SNX13: variants seen among roughly 807,000 people sequenced by gnomAD.
SNX13 encodes the protein sorting nexin 13, also known as sorting nexin-13.
A neutral mutation model predicts 133.6 loss-of-function variants in SNX13; 45 were observed. That is an observed-to-expected ratio of 0.34 (90% CI 0.27 to 0.43). The LOEUF is 0.43. Among genes scored for constraint, SNX13 ranks in the 20% least tolerant of loss-of-function variants. The pLI is 1.00. For synonymous variants in SNX13, 414 were observed against 373.9 expected (o/e 1.11, Z -1.24); for missense variants, 1,032 against 1,145.1 (o/e 0.90, Z 1.43).
intron 11 of SNX13, among the ~76,000 whole-genome samples, chr7:17,848,937 TCTTTA>T (rs1219381750): frequency 1.3e-5 from 2 of 152,212 alleles, no homozygotes; most frequent in Non-Finnish European, 2.9e-5. Context: ...TTGGCTAGAC[TCTTTA>T]CTTTGTCTTA....
At chr7:17,865,804 G>A (rs1482061853) in intron 9 of SNX13, among the ~76,000 whole-genome samples, 1 of 152,016 alleles carries the variant, frequency 6.6e-6, no homozygotes, top group African/African-American at 2.4e-5. Context: ...TAAACCAATG[G>A]AACAGAATAG....
At chr7:17,846,629 T>C (rs370183013) in intron 11 of SNX13, among the ~76,000 whole-genome samples, 2 of 152,016 alleles carry the variant, frequency 1.3e-5, no homozygotes, top group East Asian at 3.8e-4. Context: ...GATACTAAAT[T>C]AAGCATAGGT....
At chr7:17,831,341 T>C in intron 15 of SNX13, 3 of 879,382 alleles carry the variant, frequency 3.4e-6, no homozygotes, top group Non-Finnish European at 4.1e-6. Context: ...ATAATTCATA[T>C]AGTTTTAAAA....
intron 1 of SNX13, chr7:17,898,900 CACTTTT>C (rs1377281650): frequency 2.0e-5 from 3 of 152,172 alleles, no homozygotes; most frequent in African/African-American, 7.2e-5. Context: ...ACATCTTGGC[CACTTTT>C]ATCTTTTAAC....
intron 20 of SNX13, among the ~76,000 whole-genome samples, chr7:17,808,187 A>G (rs971648667): frequency 5.9e-5 from 9 of 152,190 alleles, no homozygotes; most frequent in African/African-American, 1.7e-4. Flanking sequence ...TTCTAACCCA[A>G]TGCGAGGAAA....
chr7:17,902,351 C>T (rs1223579178), intron 1 of SNX13, among the ~76,000 whole-genome samples: 3 of 148,904 alleles, frequency 2.0e-5, no homozygotes, highest in Admixed American at 6.8e-5. Context: ...TCTAATCAAG[C>T]AAGTGCAGTG....
At chr7:17,838,331 T>C (rs988328484) in intron 13 of SNX13, among the ~76,000 whole-genome samples, 9 of 152,008 alleles carry the variant, frequency 5.9e-5, no homozygotes, top group Admixed American at 1.3e-4. Context: ...TCATGTCTCC[T>C]CTTTCATTTA....
chr7:17,801,958 A>G (rs1784693152), intron 21 of SNX13, among the ~76,000 whole-genome samples: 1 of 152,100 alleles, frequency 6.6e-6, no homozygotes, highest in African/African-American at 2.4e-5. Context: ...CTTGAAAGCC[A>G]AAAAGTCATG....
chr7:17,910,275 G>A (rs923039691), intron 1 of SNX13, among the ~76,000 whole-genome samples: 33 of 152,136 alleles, frequency 2.2e-4, no homozygotes, highest in Admixed American at 2.1e-3. Context: ...CAGTTTGAAT[G>A]AAAGGAATAA....
rs563013873 is a variant in SNX13, at chr7:17,916,525, A to G, written c.13-19079T>C. 1.8e-4 allele frequency among the ~76,000 whole-genome samples: 28 copies of G among 152,284 alleles called. No homozygotes were observed. The South Asian group carries it at 5.6e-3, about 30-fold the overall frequency. On this transcript the variant is annotated intron_variant, in intron 1 of 25. Coordinates refer to ENST00000428135, the MANE Select transcript of SNX13 (RefSeq NM_015132.5). ...AAAAGATCCTCAGACTACTATAAAC[A>G]TCTGTATGTACACAAACAAGAAAAT...
At chr7:17,825,300 T>TAGACC (rs1454221401) in intron 17 of SNX13, among the ~76,000 whole-genome samples, 2 of 150,478 alleles carry the variant, frequency 1.3e-5, no homozygotes, top group African/African-American at 2.4e-5. Flanking sequence ...TAGACTAGAC[T>TAGACC]AGACTAGACT....
intron 18 of SNX13, among the ~76,000 whole-genome samples, chr7:17,819,920 CA>C (rs1787098610): frequency 6.6e-6 from 1 of 151,880 alleles, no homozygotes; most frequent in Non-Finnish European, 1.5e-5. Flanking sequence ...CACACAAACA[CA>C]CAAAAGGAAA....
intron 24 of SNX13, among the ~76,000 whole-genome samples, chr7:17,798,284 T>C (rs1391280883): frequency 4.0e-5 from 6 of 151,832 alleles, no homozygotes; most frequent in African/African-American, 1.4e-4. Flanking sequence ...TAATAAAAAA[T>C]TACAACATAG....
intron 9 of SNX13, among the ~76,000 whole-genome samples, chr7:17,866,943 T>C (rs1375937811): frequency 3.3e-5 from 5 of 152,248 alleles, no homozygotes; most frequent in Non-Finnish European, 7.3e-5. Context: ...ATACATTGTA[T>C]GCTTATATCG....
At chr7:17,939,569 A>G (rs1049670659) in intron 1 of SNX13, among the ~76,000 whole-genome samples, 3 of 152,238 alleles carry the variant, frequency 2.0e-5, no homozygotes, top group Non-Finnish European at 1.5e-5. Context: ...GAAAAGGGAA[A>G]TTGATTGGTT....
At chr7:17,932,679 T>G (rs1251845832) in intron 1 of SNX13, among the ~76,000 whole-genome samples, 1 of 152,060 alleles carries the variant, frequency 6.6e-6, no homozygotes, top group East Asian at 1.9e-4. Context: ...CACATGGAGG[T>G]GGGAACAGCA....
intron 20 of SNX13, among the ~76,000 whole-genome samples, chr7:17,805,250 T>TGTGTGCGC: frequency 0.032 from 3,031 of 95,442 alleles, 107 homozygotes; most frequent in Non-Finnish European, 0.049. Flanking sequence ...TGTGTGTGTG[T>TGTGTGCGC]GCGTGCGCGC....
chr7:17,898,747 A>G (rs954054149), intron 1 of SNX13: 1 of 152,166 alleles, frequency 6.6e-6, no homozygotes, highest in African/African-American at 2.4e-5. Context: ...ATAAACAGAA[A>G]TCCTGGATAA....
intron 10 of SNX13, 61 bp downstream of exon 10, chr7:17,850,765 A>T (rs1791106335): frequency 7.7e-7 from 1 of 1,304,282 alleles, no homozygotes; most frequent in African/African-American, 1.6e-5. Context: ...AAATTAATCA[A>T]AGTTTTGAAG....
Sources: gnomAD v4.1 joint callset for allele counts (sites outside exome capture counted in the v4.1 genomes callset) on GRCh38, gnomAD v4.1.1 for gene constraint, MANE v1.5 for transcripts, NCBI Gene and HGNC (gene_info 2026-07-23, HGNC 2026-07-21) for gene names.